Variants in EYS observed in about 807,000 individuals in gnomAD.
The protein encoded by EYS is EGF-like photoreceptor maintenance factor.
A neutral mutation model predicts 282.1 loss-of-function variants in EYS; 250 were observed. The observed-to-expected ratio is 0.89, with a 90% CI of 0.80 to 0.98. The LOEUF is 0.98. EYS is among the 50% of genes least tolerant of loss of function. The pLI, the probability that EYS is intolerant of heterozygous loss-of-function variation, is 0.00. For synonymous variants in EYS, 1,355 were observed against 1,282.9 expected (o/e 1.06, Z -1.20); for missense variants, 4,016 against 3,709.0 (o/e 1.08, Z -2.15).
chr6:65,425,860 G>C (rs556685849), intron 5 of EYS, among the ~76,000 whole-genome samples: 1 of 152,170 alleles, frequency 6.6e-6, no homozygotes, highest in African/African-American at 2.4e-5. Flanking sequence ...TTTCTCTCTA[G>C]AAGTGATGGC....
intron 29 of EYS, among the ~76,000 whole-genome samples, chr6:64,364,656 T>C (rs1161851363): frequency 2.6e-5 from 4 of 151,814 alleles, no homozygotes; most frequent in Non-Finnish European, 4.4e-5. Flanking sequence ...ATTAAGTGGA[T>C]CTTGGAATTT....
chr6:65,428,630 A>G (rs1476870335), intron 5 of EYS, among the ~76,000 whole-genome samples: 1 of 152,046 alleles, frequency 6.6e-6, no homozygotes, highest in East Asian at 1.9e-4. Flanking sequence ...TGGACTGACC[A>G]CTTCGACGCA....
chr6:64,816,632 T>C (rs1299884545), intron 21 of EYS, among the ~76,000 whole-genome samples: 1 of 152,136 alleles, frequency 6.6e-6, no homozygotes, highest in East Asian at 1.9e-4. Context: ...ATGGCATTTA[T>C]TTAAACAAAA....
intron 12 of EYS, among the ~76,000 whole-genome samples, chr6:65,097,542 T>C (rs1158471720): frequency 6.6e-6 from 1 of 150,944 alleles, no homozygotes; most frequent in African/African-American, 2.4e-5. Flanking sequence ...GAAATAGCTG[T>C]GCTCTCATGT....
rs117729480 is a variant in EYS, at chr6:63,789,630, T to C, written c.7412-406A>G. Among the ~76,000 whole-genome samples, 316 of 152,352 alleles carry C rather than the reference T, an allele frequency of 2.1e-3. 5 individuals are homozygous for C. In the East Asian group the frequency reaches 0.024, roughly 12 times the overall value. ...ACCTAGCATCAGCTTTGAAGTTCTT[T>C]CTATGATTTGAGAATAGGATAAAGA... On this transcript the variant is annotated intron_variant, in intron 37 of 42. Coordinates refer to ENST00000503581, the MANE Select transcript of EYS (RefSeq NM_001142800.2).
intron 30 of EYS, among the ~76,000 whole-genome samples, chr6:64,266,901 T>C (rs546206150): frequency 1.3e-5 from 2 of 152,224 alleles, no homozygotes; most frequent in East Asian, 1.9e-4. Context: ...CCACTGCAAA[T>C]AGTGAGCACT....
chr6:65,637,225 G>T (rs1187192850), intron 2 of EYS, among the ~76,000 whole-genome samples: 2 of 152,182 alleles, frequency 1.3e-5, no homozygotes, highest in African/African-American at 4.8e-5. Context: ...AGATTTTTTA[G>T]TAAGTTTCTG....
intron 15 of EYS, among the ~76,000 whole-genome samples, chr6:64,923,883 C>T (rs1031159741): frequency 1.4e-5 from 2 of 146,430 alleles, no homozygotes; most frequent in African/African-American, 2.5e-5. Flanking sequence ...AGCCCCCCTC[C>T]TGGCTGCTTT....
chr6:64,226,962 T>C (rs1465073230), intron 31 of EYS, among the ~76,000 whole-genome samples: 3 of 152,092 alleles, frequency 2.0e-5, no homozygotes, highest in Admixed American at 6.6e-5. Context: ...GTTGTTAAAA[T>C]AAAATATTTT....
In EYS at chr6:64,945,934, T is replaced by C. The variant is rs1190181862; in HGVS notation, c.2260-20A>G. 14 of 1,531,222 alleles carry C rather than the reference T, an allele frequency of 9.1e-6. No homozygotes were observed. In the Admixed American group the frequency reaches 1.8e-4, roughly 20 times the overall value. 94.9% of individuals were successfully genotyped at this position (1,531,222 alleles called of 1,614,324 possible). On this transcript the variant is annotated intron_variant, in intron 14 of 42. Coordinates refer to ENST00000503581, the MANE Select transcript of EYS (RefSeq NM_001142800.2). ...GTAGCTCTAAGAGAATATGAAATTA[T>C]ATATTTTTAGGCTATTTCTTACTAT...
At chr6:64,435,906 AC>A (rs2150463622) in intron 28 of EYS, among the ~76,000 whole-genome samples, 1 of 152,082 alleles carries the variant, frequency 6.6e-6, no homozygotes, top group African/African-American at 2.4e-5. Flanking sequence ...TTGATTTGTT[AC>A]AACAGCCATA....
intron 31 of EYS, among the ~76,000 whole-genome samples, chr6:64,229,965 C>A (rs1766370890): frequency 6.6e-6 from 1 of 152,166 alleles, no homozygotes; most frequent in African/African-American, 2.4e-5. Flanking sequence ...GCAAGGACAA[C>A]AAGTCAGCTG....
intron 19 of EYS, among the ~76,000 whole-genome samples, chr6:64,855,490 T>C (rs1012383868): frequency 2.0e-5 from 3 of 152,322 alleles, no homozygotes; most frequent in African/African-American, 7.2e-5. Context: ...AGAACAGTTT[T>C]GTATTAGTTT....
intron 28 of EYS, among the ~76,000 whole-genome samples, chr6:64,418,424 C>T (rs1774128137): frequency 6.6e-6 from 1 of 152,134 alleles, no homozygotes; most frequent in Non-Finnish European, 1.5e-5. Context: ...TTTTTCTTGC[C>T]TTTAAGTCTA....
At chr6:65,619,456 G>C (rs1339715952) in intron 2 of EYS, among the ~76,000 whole-genome samples, 1 of 152,182 alleles carries the variant, frequency 6.6e-6, no homozygotes, top group African/African-American at 2.4e-5. Flanking sequence ...ATTTTGGGCT[G>C]AGACAATGGG....
chr6:65,405,863 T>C (rs992096468), intron 5 of EYS, among the ~76,000 whole-genome samples: 1 of 152,110 alleles, frequency 6.6e-6, no homozygotes, highest in Non-Finnish European at 1.5e-5. Flanking sequence ...AGTTTTTGGT[T>C]CTCATGAATC....
intron 35 of EYS, among the ~76,000 whole-genome samples, chr6:63,912,309 C>G (rs1764273898): frequency 6.6e-6 from 1 of 152,050 alleles, no homozygotes; most frequent in African/African-American, 2.4e-5. Context: ...CAGGGCTATT[C>G]AATATGCAGA....
intron 26 of EYS, among the ~76,000 whole-genome samples, chr6:64,448,858 G>A (rs1175959269): frequency 1.3e-5 from 2 of 152,150 alleles, no homozygotes; most frequent in Non-Finnish European, 2.9e-5. Context: ...CCATCTGTAT[G>A]TCACCATCAT....
chr6:65,443,279 T>C (rs183076511), intron 5 of EYS, among the ~76,000 whole-genome samples: 2,538 of 121,170 alleles, frequency 0.021, 342 homozygotes, highest in South Asian at 0.05. Context: ...TATAGACATG[T>C]ATGCATGCAT....
Sources: allele counts gnomAD v4.1 joint callset (sites outside exome capture counted in the v4.1 genomes callset), GRCh38; gene constraint gnomAD v4.1.1; transcripts MANE v1.5; gene names NCBI Gene and HGNC (gene_info 2026-07-23, HGNC 2026-07-21).